The following PATL2 variants were observed in gnomAD, a reference collection of about 807,000 sequenced individuals.
PATL2 encodes the protein protein PAT1 homolog 2.
In PATL2, 73 loss-of-function variants were observed where a neutral mutation model predicts 77.0. The ratio of observed to expected loss-of-function variants is 0.95; its 90% CI spans 0.78 to 1.15. The LOEUF (loss-of-function observed/expected upper bound fraction) is 1.15. Ranked by LOEUF, PATL2 falls within the 50% of genes most tolerant of loss-of-function variation. The probability of loss-of-function intolerance (pLI) is 0.00; values close to 1 mark genes in which losing one functional copy is unlikely to be tolerated. For missense variants in PATL2, 618 were observed against 655.4 expected (o/e 0.94, Z 0.62); for synonymous variants, 265 against 257.1 (o/e 1.03, Z -0.29).
chr15:44,685,095 A>G (rs1009669592), intron 3 of PATL2, among the ~76,000 whole-genome samples: 2 of 152,238 alleles, frequency 1.3e-5, no homozygotes, highest in Non-Finnish European at 2.9e-5. Flanking sequence ...CTCCTGAAGG[A>G]AGCACTAAAC....
chr15:44,672,020 A>T lies in PATL2; in HGVS notation c.652T>A (p.Tyr218Asn). The T allele has an allele frequency of 6.4e-7, 1 of 1,551,688 alleles. No individual in the cohort carries two copies. The highest frequency in any genetic ancestry group is 8.7e-7 in the Non-Finnish European group (1 of 1,146,992). Residue 218 changes from tyrosine (Y) to asparagine (N), a missense_variant, in exon 9 of 18, where the codon TAC becomes AAC. Coordinates refer to ENST00000682850, the MANE Select transcript of PATL2 (RefSeq NM_001387263.1). ...CTGAGTACTGCGGGGCTCACCTGGT[A>T]ATAGTAGTCATCCAGGCGGGGTTTT... The part of the protein sequence containing the change: ...SAKPRLDDYY[Y>N]QEYYQKLEKK...
intron 3 of PATL2, among the ~76,000 whole-genome samples, chr15:44,687,399 A>G (rs1212812512): frequency 6.6e-6 from 1 of 152,244 alleles, no homozygotes. Context: ...TATTGATGGA[A>G]CGTATCTCAA....
intron 5 of PATL2, 33 bp from the exon 6 acceptor site, chr15:44,674,263 A>C: frequency 1.2e-5 from 17 of 1,459,398 alleles, no homozygotes; most frequent in Non-Finnish European, 1.4e-5. Flanking sequence ...CCAGGCTCAA[A>C]TGGGCCCCTG....
At chr15:44,675,755 G>C (rs2085923923) in intron 4 of PATL2, 64 bp from the exon 5 acceptor site, 2 of 1,390,034 alleles carry the variant, frequency 1.4e-6, no homozygotes. Flanking sequence ...CTTGTCTAGA[G>C]AGGCTGCTAC....
rs1018656737 is a variant in PATL2, at chr15:44,675,592, T to A, written c.116A>T (p.Glu39Val). Residue 39 changes from glutamate to valine, a missense_variant, in exon 5 of 18, where the codon GAG becomes GTG. Glu to Val is a moderately radical substitution (Grantham distance 121, BLOSUM62 -2). Transcript: ENST00000682850. ...GTCCAGATCCTCCTCGTCCTCCTCC[T>A]CTTCCTCCTCCTCCCCTTCATTCTC... Reference protein sequence around the residue: ...EEENEGEEEEEEEDEEDLDPD... With the variant: ...EEENEGEEEEVEEDEEDLDPD... The A allele has an allele frequency of 6.4e-7, 1 of 1,551,868 alleles. No individual in the cohort carries two copies. Among genetic ancestry groups the A allele is most frequent in the Non-Finnish European group, 8.7e-7 (1 of 1,146,906 alleles).
At position 44,672,158 on chromosome 15, in the gene PATL2, T is replaced by C. The variant is rs1000096847; in HGVS notation, c.516-2A>G. 53 of 1,551,570 alleles carry C rather than the reference T, an allele frequency of 3.4e-5. No homozygotes were observed. Among genetic ancestry groups the C allele is most frequent in the Non-Finnish European group, 4.3e-5 (49 of 1,146,994 alleles). On this transcript the variant is annotated splice_acceptor_variant, in intron 8 of 17. Transcript: ENST00000682850. LOFTEE classifies it high-confidence loss of function. ...GACCAAGGCTTCTTGGCTGGGGGAC[T>C]TTAAGCCAGGAGGAACAACCCTTTA...
chr15:44,699,611 T>G (rs1184288680), intron 3 of PATL2, among the ~76,000 whole-genome samples: 2 of 152,222 alleles, frequency 1.3e-5, no homozygotes, highest in Non-Finnish European at 2.9e-5. Flanking sequence ...GTGCCAGGAT[T>G]ACAGGTGTGA....
chr15:44,687,042 T>C (rs1007880216), intron 3 of PATL2, among the ~76,000 whole-genome samples: 5 of 152,220 alleles, frequency 3.3e-5, no homozygotes, highest in Admixed American at 3.3e-4. Flanking sequence ...TAATCCTCCC[T>C]AACTCATTTG....
chr15:44,672,549 T>A, intron 7 of PATL2, 93 bp from the exon 8 acceptor site: 1 of 1,242,332 alleles, frequency 8.0e-7, no homozygotes, highest in Non-Finnish European at 1.1e-6. Context: ...CTGATGGACA[T>A]CTAAGGAACC....
At chr15:44,699,529 AG>A (rs1291570036) in intron 3 of PATL2, among the ~76,000 whole-genome samples, 1 of 152,036 alleles carries the variant, frequency 6.6e-6, no homozygotes, top group Non-Finnish European at 1.5e-5. Flanking sequence ...TAGTAGAGAC[AG>A]GGTTTTACCA....
At chr15:44,688,109 G>A (rs2086302874) in intron 3 of PATL2, among the ~76,000 whole-genome samples, 1 of 151,836 alleles carries the variant, frequency 6.6e-6, no homozygotes, top group African/African-American at 2.4e-5. Flanking sequence ...AGCCAGGTGT[G>A]GTGGCGGGTG....
At chr15:44,676,981 G>C in intron 3 of PATL2, 2 of 905,668 alleles carry the variant, frequency 2.2e-6, no homozygotes, top group Non-Finnish European at 1.3e-6. Flanking sequence ...CCATTAAAGG[G>C]CTAGCATCCT....
rs143385152 is a variant in PATL2, at chr15:44,700,474, G to A, written c.-76+9622C>T. On this transcript the variant is annotated intron_variant, in intron 3 of 17. Coordinates refer to ENST00000682850, the MANE Select transcript of PATL2 (RefSeq NM_001387263.1). ...GTGCCACCACACCTCGCTAATTTTT[G>A]TATTTTTAGCAGAGATGGGGTTTCA... Among the ~76,000 whole-genome samples, 115 of 151,996 alleles carry A rather than the reference G, an allele frequency of 7.6e-4. No individual in the cohort carries two copies. The East Asian group carries it at 0.02, about 27-fold the overall frequency.
At chr15:44,681,101 G>C (rs192145061) in intron 3 of PATL2, among the ~76,000 whole-genome samples, 1 of 152,204 alleles carries the variant, frequency 6.6e-6, no homozygotes, top group East Asian at 1.9e-4. Context: ...CACGATTATA[G>C]CTCACTGCAA....
At chr15:44,678,660 TA>T (rs1179632631) in intron 3 of PATL2, among the ~76,000 whole-genome samples, 1 of 152,140 alleles carries the variant, frequency 6.6e-6, no homozygotes, top group Non-Finnish European at 1.5e-5. Flanking sequence ...GGTCAGATTT[TA>T]AAAAGACATT....
At chr15:44,677,145 G>A (rs942520521) in intron 3 of PATL2, among the ~76,000 whole-genome samples, 2 of 152,206 alleles carry the variant, frequency 1.3e-5, no homozygotes, top group Non-Finnish European at 1.5e-5. Flanking sequence ...GTTAAAAAGA[G>A]GATCCCTGTT....
chr15:44,711,357 C>T, upstream of PATL2: 3 of 698,012 alleles, frequency 4.3e-6, no homozygotes, highest in Non-Finnish European at 7.6e-6. Flanking sequence ...CCTTCTTAAA[C>T]ATCACGAGAC....
intron 3 of PATL2, among the ~76,000 whole-genome samples, chr15:44,679,037 C>T (rs2086066927): frequency 6.6e-6 from 1 of 152,100 alleles, no homozygotes; most frequent in Non-Finnish European, 1.5e-5. Context: ...CATGCTATAA[C>T]TGTACTTTGT....
chr15:44,667,311 TAGAG>T, intron 15 of PATL2, 108 bp from the exon 16 acceptor site: 2 of 807,204 alleles, frequency 2.5e-6, no homozygotes, highest in Non-Finnish European at 4.0e-6. Context: ...CATTTAGAGA[TAGAG>T]CTCAAAATAT....
Sources: allele counts gnomAD v4.1 joint callset (sites outside exome capture counted in the v4.1 genomes callset), GRCh38; gene constraint gnomAD v4.1.1; transcripts MANE v1.5; gene names NCBI Gene and HGNC (gene_info 2026-07-23, HGNC 2026-07-21).